Variants in ATP11A observed in about 807,000 individuals in gnomAD.
ATP11A encodes the protein ATPase phospholipid transporting 11A.
In ATP11A, 81 loss-of-function variants were observed where a neutral mutation model predicts 154.4. That is an observed-to-expected ratio of 0.52 (90% CI 0.44 to 0.63). The LOEUF is 0.63. ATP11A is among the 30% of genes least tolerant of loss of function. ATP11A has a pLI of 0.00. For synonymous variants in ATP11A, 623 were observed against 585.9 expected, an observed-to-expected ratio of 1.06 and a Z score of -0.91; for missense variants, 1,316 against 1,474.3, an observed-to-expected ratio of 0.89 and a Z score of 1.76.
At chr13:112,724,042 C>T (rs1259179776) in intron 1 of ATP11A, among the ~76,000 whole-genome samples, 5 of 151,692 alleles carry the variant, frequency 3.3e-5, no homozygotes, top group Non-Finnish European at 7.4e-5. Flanking sequence ...CTCCATCATC[C>T]CTGCCCACAC....
chr13:112,789,213 T>C lies in ATP11A; in HGVS notation c.162+3956T>C, dbSNP rs1376592316. Among the ~76,000 whole-genome samples the C allele has an allele frequency of 5.3e-5, 8 of 150,956 alleles. 1 individual carries two copies. In the South Asian group the frequency reaches 1.5e-3, roughly 28 times the overall value. ...TTAATTCACACCAGGTGTCCTGATG[T>C]GTAGACCCCTGTGGATACCTACTTA... On this transcript the variant is annotated intron_variant, in intron 2 of 29. Coordinates refer to ENST00000375645, the MANE Select transcript of ATP11A (RefSeq NM_015205.3).
chr13:112,858,808 G>A (rs981254726), intron 22 of ATP11A: 1 of 161,354 alleles, frequency 6.2e-6, no homozygotes, highest in Non-Finnish European at 1.4e-5. Context: ...TATTATTATA[G>A]TTATTCTATG....
intron 14 of ATP11A, among the ~76,000 whole-genome samples, chr13:112,833,953 C>T (rs79357670): frequency 0.021 from 3,174 of 152,354 alleles, 41 homozygotes; most frequent in Middle Eastern, 0.061. Context: ...CCTCCACTGC[C>T]ATCCCCCTGG....
In ATP11A at chr13:112,831,371, G is replaced by T. The variant is rs368488501; in HGVS notation, c.1222-4G>T. 1.9e-6 allele frequency: 3 copies of T among 1,613,100 alleles called. No homozygotes were observed. Among genetic ancestry groups the T allele is most frequent in the Non-Finnish European group, 2.5e-6 (3 of 1,179,270 alleles). On this transcript the variant is annotated splice_region_variant and splice_polypyrimidine_tract_variant and intron_variant, in intron 12 of 29. Coordinates refer to ENST00000375645, the MANE Select transcript of ATP11A (RefSeq NM_015205.3). ...CGCCCTGACTTGCTGTGCCCTGCCC[G>T]CAGGTGGAGTACATCTTCACAGACA...
chr13:112,793,694 C>G (rs1346377267), intron 2 of ATP11A, among the ~76,000 whole-genome samples: 1 of 152,246 alleles, frequency 6.6e-6, no homozygotes, highest in Non-Finnish European at 1.5e-5. Flanking sequence ...TTTTTCAGGA[C>G]TGTCAGGTGG....
Position 112,810,616 on chromosome 13 carries a change from T to C in ATP11A, c.334-3T>C. 1.2e-5 allele frequency: 19 copies of C among 1,612,962 alleles called. No homozygotes were observed. The highest frequency in any genetic ancestry group is 1.6e-5 in the Non-Finnish European group (19 of 1,179,132). On this transcript the variant is annotated splice_region_variant and splice_polypyrimidine_tract_variant and intron_variant, in intron 4 of 29. Transcript: ENST00000375645. Reference sequence around the variant, plus strand: ...CTCTCCCTTCTTTCCTTCCTTTTTTTAGGGTTATGAAGACTGGCTTCGACA... The same window carrying C: ...CTCTCCCTTCTTTCCTTCCTTTTTTCAGGGTTATGAAGACTGGCTTCGACA...
intron 28 of ATP11A, among the ~76,000 whole-genome samples, chr13:112,876,835 G>A (rs963163327): frequency 2.6e-5 from 4 of 152,122 alleles, no homozygotes; most frequent in African/African-American, 9.7e-5. Flanking sequence ...ACACCCGGGG[G>A]CTGGCTCCCA....
At chr13:112,846,659 C>T (rs910587437) in intron 17 of ATP11A, among the ~76,000 whole-genome samples, 1 of 152,234 alleles carries the variant, frequency 6.6e-6, no homozygotes, top group African/African-American at 2.4e-5. Context: ...ACAGTCCCCT[C>T]GTTTGGGGCA....
At chr13:112,879,588 C>A (rs1220909847) in intron 29 of ATP11A, among the ~76,000 whole-genome samples, 1 of 152,244 alleles carries the variant, frequency 6.6e-6, no homozygotes, top group Non-Finnish European at 1.5e-5. Context: ...TGCGTAGAGA[C>A]AGTGGCACGG....
At chr13:112,769,629 T>A (rs1217695777) in intron 1 of ATP11A, among the ~76,000 whole-genome samples, 1 of 152,224 alleles carries the variant, frequency 6.6e-6, no homozygotes, top group Non-Finnish European at 1.5e-5. Flanking sequence ...CCAGGTGAGA[T>A]GAGCCTCAGT....
chr13:112,852,047 T>C (rs2140326734), intron 18 of ATP11A, among the ~76,000 whole-genome samples: 2 of 152,326 alleles, frequency 1.3e-5, no homozygotes, highest in Middle Eastern at 6.8e-3. Context: ...GAGCTGCCAG[T>C]GTGCCCCAGC....
intron 28 of ATP11A, 131 bp downstream of exon 28, chr13:112,876,072 G>A (rs1205755678): frequency 9.7e-7 from 1 of 1,031,490 alleles, no homozygotes; most frequent in Non-Finnish European, 1.4e-6. Flanking sequence ...TATCACTAAT[G>A]AGTGTCCTGA....
intron 12 of ATP11A, 152 bp from the exon 13 acceptor site, chr13:112,831,223 T>G (rs1050851010): frequency 1.2e-5 from 10 of 815,584 alleles, no homozygotes; most frequent in Non-Finnish European, 1.7e-5. Flanking sequence ...CTCAGCCCAG[T>G]GAGGGGGTCT....
At chr13:112,826,100 T>G (rs1393964993) in intron 11 of ATP11A, among the ~76,000 whole-genome samples, 2 of 150,352 alleles carry the variant, frequency 1.3e-5, no homozygotes, top group Non-Finnish European at 3.0e-5. Flanking sequence ...AACCCAGACC[T>G]GTGTCCCCAC....
At chr13:112,858,120 C>T (rs1217025358) in intron 21 of ATP11A, 25 bp from the exon 22 acceptor site, 2 of 1,609,196 alleles carry the variant, frequency 1.2e-6, no homozygotes, top group South Asian at 2.2e-5. Context: ...AGCATTTCTT[C>T]AGCTCCTTCA....
Position 112,756,201 on chromosome 13 carries a change from A to T in ATP11A, c.40-28934A>T, listed in dbSNP as rs557715608. ...AAGCCAAAACCAAAATACAAATTAA[A>T]TAAAACTTAGTCTGTGAAACAGGTT... is the stretch of plus-strand genomic sequence containing the variant. On this transcript the variant is annotated intron_variant, in intron 1 of 29. Coordinates refer to ENST00000375645, the MANE Select transcript of ATP11A (RefSeq NM_015205.3). 2.6e-5 allele frequency among the ~76,000 whole-genome samples: 4 copies of T among 152,362 alleles called. No individual in the cohort carries two copies. The South Asian group carries it at 8.3e-4, about 32-fold the overall frequency.
chr13:112,720,530 G>A (rs1199300098), intron 1 of ATP11A, among the ~76,000 whole-genome samples: 2 of 152,162 alleles, frequency 1.3e-5, no homozygotes, highest in East Asian at 3.8e-4. Flanking sequence ...TTATCACGCA[G>A]ATGAAGCCTC....
intron 1 of ATP11A, among the ~76,000 whole-genome samples, chr13:112,773,378 C>T (rs1438515351): frequency 2.0e-5 from 3 of 152,180 alleles, no homozygotes; most frequent in Non-Finnish European, 4.4e-5. Context: ...AAGGAAATGC[C>T]GCCTCTCTCT....
intron 1 of ATP11A, among the ~76,000 whole-genome samples, chr13:112,776,598 A>T (rs1361062144): frequency 2.6e-5 from 4 of 152,132 alleles, no homozygotes; most frequent in African/African-American, 7.2e-5. Flanking sequence ...ATTCTATTTT[A>T]TTTATTTATT....
Sources: allele counts gnomAD v4.1 joint callset (sites outside exome capture counted in the v4.1 genomes callset), GRCh38; gene constraint gnomAD v4.1.1; transcripts MANE v1.5; gene names NCBI Gene and HGNC (gene_info 2026-07-23, HGNC 2026-07-21).